Variants in CNTNAP5 observed in about 807,000 individuals in gnomAD.
CNTNAP5 encodes the protein contactin associated protein family member 5.
In CNTNAP5, 72 loss-of-function variants were observed where a neutral mutation model predicts 150.2. The observed-to-expected ratio is 0.48, with a 90% CI of 0.40 to 0.58. CNTNAP5 has a LOEUF of 0.58. Among genes scored for constraint, CNTNAP5 ranks in the 20% least tolerant of loss-of-function variants. The pLI is 0.00. For synonymous variants in CNTNAP5, 672 were observed against 619.8 expected (o/e 1.08, Z -1.25); for missense variants, 1,636 against 1,626.2 (o/e 1.01, Z -0.10).
At chr2:124,631,145 C>T (rs932606144) in intron 12 of CNTNAP5, among the ~76,000 whole-genome samples, 5 of 152,238 alleles carry the variant, frequency 3.3e-5, no homozygotes, top group African/African-American at 4.8e-5. Flanking sequence ...AATGGCCATA[C>T]TTCCCAAAGC....
chr2:124,174,758 T>C (rs1685020803), intron 1 of CNTNAP5, among the ~76,000 whole-genome samples: 1 of 152,234 alleles, frequency 6.6e-6, no homozygotes, highest in Admixed American at 6.5e-5. Context: ...AAAAACGTTC[T>C]ACTTTGGATA....
intron 19 of CNTNAP5, among the ~76,000 whole-genome samples, chr2:124,836,735 G>T (rs1218787415): frequency 6.6e-6 from 1 of 152,012 alleles, no homozygotes; most frequent in Admixed American, 6.6e-5. Context: ...GCCCCGGGTT[G>T]TTTTAAGATT....
At chr2:124,742,130 G>A (rs1323734538) in intron 13 of CNTNAP5, among the ~76,000 whole-genome samples, 1 of 152,192 alleles carries the variant, frequency 6.6e-6, no homozygotes, top group Non-Finnish European at 1.5e-5. Flanking sequence ...TCACTGTGTT[G>A]AAATGACTGG....
intron 5 of CNTNAP5, among the ~76,000 whole-genome samples, chr2:124,443,584 G>A (rs1198904847): frequency 6.6e-6 from 1 of 152,006 alleles, no homozygotes; most frequent in Non-Finnish European, 1.5e-5. Context: ...AGTGAGGAAG[G>A]GAGGCAGGGA....
At chr2:124,419,745 GC>G (rs1692034147) in intron 4 of CNTNAP5, among the ~76,000 whole-genome samples, 1 of 152,114 alleles carries the variant, frequency 6.6e-6, no homozygotes, top group African/African-American at 2.4e-5. Flanking sequence ...AATCACTAGT[GC>G]TGATGCTTTG....
At chr2:124,160,599 A>T (rs565187200) in intron 1 of CNTNAP5, among the ~76,000 whole-genome samples, 20 of 152,200 alleles carry the variant, frequency 1.3e-4, no homozygotes, top group African/African-American at 4.1e-4. Flanking sequence ...GCCTGTAGGT[A>T]TACAGAATAG....
chr2:124,369,414 C>T (rs1354312345), intron 3 of CNTNAP5, among the ~76,000 whole-genome samples: 7 of 151,008 alleles, frequency 4.6e-5, no homozygotes, highest in Admixed American at 4.0e-4. Context: ...AACAAAGAAG[C>T]GTTAAAAAAC....
intron 7 of CNTNAP5, among the ~76,000 whole-genome samples, chr2:124,488,173 A>G (rs2104846771): frequency 6.6e-6 from 1 of 152,376 alleles, no homozygotes; most frequent in South Asian, 2.1e-4. Context: ...CAAAGCAATC[A>G]TAAATACTAT....
intron 10 of CNTNAP5, among the ~76,000 whole-genome samples, chr2:124,538,581 G>A (rs1378596274): frequency 2.0e-5 from 3 of 146,822 alleles, no homozygotes; most frequent in East Asian, 4.0e-4. Context: ...AAGAAAGAAG[G>A]AAGGAAAGAA....
chr2:124,589,063 A>C (rs904809570), intron 11 of CNTNAP5, among the ~76,000 whole-genome samples: 4 of 152,012 alleles, frequency 2.6e-5, no homozygotes, highest in African/African-American at 9.7e-5. Context: ...CATTTCTCCT[A>C]TTTAAAGTGT....
chr2:124,824,464 C>G (rs1008595947), intron 19 of CNTNAP5, among the ~76,000 whole-genome samples: 1 of 152,082 alleles, frequency 6.6e-6, no homozygotes, highest in Non-Finnish European at 1.5e-5. Context: ...TTTAATCCAT[C>G]GTGTCCATGG....
At chr2:124,057,088 A>C (rs11896878) in intron 1 of CNTNAP5, among the ~76,000 whole-genome samples, 45,484 of 151,876 alleles carry the variant, frequency 0.3, 7,100 homozygotes, top group Admixed American at 0.37. Context: ...GAGCCCCATT[A>C]AACCAACCGA....
In CNTNAP5 at chr2:124,118,421, T is replaced by C. The variant is rs114979860; in HGVS notation, c.82+92689T>C. On this transcript the variant is annotated intron_variant, in intron 1 of 23. Transcript: ENST00000682447. ...CCCTTTCAGAGGACATCTCTGTCACTGGGCAGATTGAAGGGATAGTAAAGA... is the reference window on the plus strand; with the variant it reads ...CCCTTTCAGAGGACATCTCTGTCACCGGGCAGATTGAAGGGATAGTAAAGA... Among the ~76,000 whole-genome samples the C allele has an allele frequency of 3.7e-3, 562 of 152,266 alleles. 5 individuals carry two copies. The highest frequency in any genetic ancestry group is 0.013 in the African/African-American group (534 of 41,552).
At chr2:124,048,418 T>G (rs183953279) in intron 1 of CNTNAP5, among the ~76,000 whole-genome samples, 1 of 152,336 alleles carries the variant, frequency 6.6e-6, no homozygotes, top group African/African-American at 2.4e-5. Context: ...GCGTCTCCAT[T>G]TAGTAAGTGT....
At chr2:124,109,951 T>C (rs1683258028) in intron 1 of CNTNAP5, among the ~76,000 whole-genome samples, 1 of 152,216 alleles carries the variant, frequency 6.6e-6, no homozygotes. Context: ...ATCTTACCAA[T>C]GGCTCTAGCT....
At chr2:124,836,781 T>A (rs1682837913) in intron 19 of CNTNAP5, among the ~76,000 whole-genome samples, 1 of 152,142 alleles carries the variant, frequency 6.6e-6, no homozygotes, top group Non-Finnish European at 1.5e-5. Flanking sequence ...TATATAAATA[T>A]GCTCTTGCCC....
intron 13 of CNTNAP5, among the ~76,000 whole-genome samples, chr2:124,665,668 C>G (rs1678683631): frequency 1.3e-5 from 2 of 152,132 alleles, no homozygotes; most frequent in African/African-American, 2.4e-5. Context: ...CGGCAGATCA[C>G]AAGGTCAGGA....
At chr2:124,163,265 C>A (rs1175660633) in intron 1 of CNTNAP5, among the ~76,000 whole-genome samples, 1 of 152,170 alleles carries the variant, frequency 6.6e-6, no homozygotes, top group Admixed American at 6.5e-5. Context: ...ACCACACTGA[C>A]CCTCCACCCC....
At chr2:124,786,430 GGAAGGAAGGAAGGAAGGAAA>G (rs1185475316) in intron 17 of CNTNAP5, among the ~76,000 whole-genome samples, 6 of 102,188 alleles carry the variant, frequency 5.9e-5, no homozygotes, top group Admixed American at 2.3e-4. Context: ...AAGGAAGGAA[GGAAGGAAGGAAGGAAGGAAA>G]GAAAGAAAGA....
Sources: gnomAD v4.1 joint callset for allele counts (sites outside exome capture counted in the v4.1 genomes callset) on GRCh38, gnomAD v4.1.1 for gene constraint, MANE v1.5 for transcripts, NCBI Gene and HGNC (gene_info 2026-07-23, HGNC 2026-07-21) for gene names.